STK39: variants seen among roughly 807,000 people sequenced by gnomAD.
STK39 encodes the protein STE20/SPS1-related proline-alanine-rich protein kinase.
STK39 carries 20 observed loss-of-function variants against 77.8 expected under a neutral mutation model. That is an observed-to-expected ratio of 0.26 (90% confidence interval 0.18 to 0.37). The LOEUF is 0.37. Among genes scored for constraint, STK39 ranks in the 10% least tolerant of loss-of-function variants. The pLI is 1.00. For missense variants in STK39, 479 were observed against 656.5 expected (o/e 0.73, Z 2.95); for synonymous variants, 246 against 234.1 (o/e 1.05, Z -0.47).
intron 16 of STK39, among the ~76,000 whole-genome samples, chr2:167,982,348 A>G (rs1574364709): frequency 6.6e-6 from 1 of 152,284 alleles, no homozygotes; most frequent in East Asian, 1.9e-4. Context: ...AATGTCTGTC[A>G]ATATTTTCCA....
At position 168,163,869 on chromosome 2, in the gene STK39, C is replaced by T; in HGVS notation, c.442G>A (p.Asp148Asn). The change falls in exon 4 of 18, where the codon GAT (aspartate) becomes AAT (asparagine). Residue 148 changes from aspartate (D) to asparagine (N), a missense_variant. Physicochemically the swap from Asp to Asn is conservative, Grantham distance 23. Coordinates refer to ENST00000355999, the MANE Select transcript of STK39 (RefSeq NM_013233.3). ...MKLLSGGSML[D>N]IIKYIVNRGE... ...CGGTTGACAATGTATTTTATGATAT[C>T]CAACATTGAACCTAAGTAGACAAAC... The T allele has an allele frequency of 6.2e-7, 1 of 1,613,750 alleles. No homozygotes were observed. The highest frequency in any genetic ancestry group is 8.5e-7 in the Non-Finnish European group (1 of 1,179,874).
chr2:168,147,657 T>A (rs1688175321), intron 5 of STK39, among the ~76,000 whole-genome samples: 1 of 151,356 alleles, frequency 6.6e-6, no homozygotes. Context: ...GAGTTTTGAT[T>A]TAGACATAAT....
chr2:168,083,222 A>G (rs1460999270), intron 10 of STK39, among the ~76,000 whole-genome samples: 1 of 138,190 alleles, frequency 7.2e-6, no homozygotes, highest in African/African-American at 2.7e-5. Context: ...GCCCTTCCAC[A>G]TTCTCCTTTT....
chr2:168,115,918 C>T (rs1687246785), intron 10 of STK39, among the ~76,000 whole-genome samples: 3 of 152,114 alleles, frequency 2.0e-5, no homozygotes, highest in Non-Finnish European at 2.9e-5. Context: ...ACTGGAACCC[C>T]GGTTAAAGAT....
chr2:168,151,484 C>A (rs1480455967), intron 5 of STK39, among the ~76,000 whole-genome samples: 1 of 152,108 alleles, frequency 6.6e-6, no homozygotes, highest in Non-Finnish European at 1.5e-5. Context: ...CTCCTGTAAT[C>A]CCAGCATTTT....
chr2:168,213,689 TAAAAAA>T (rs10706908), intron 1 of STK39, among the ~76,000 whole-genome samples: 2 of 124,218 alleles, frequency 1.6e-5, no homozygotes, highest in Non-Finnish European at 3.4e-5. Context: ...CAGCCATATT[TAAAAAA>T]AAAAAAAAAA....
chr2:168,098,931 G>A (rs929987422), intron 10 of STK39, among the ~76,000 whole-genome samples: 1 of 152,196 alleles, frequency 6.6e-6, no homozygotes, highest in African/African-American at 2.4e-5. Flanking sequence ...GTCATACCAG[G>A]CCATAGAGCA....
chr2:168,119,677 T>C (rs1353336956), intron 10 of STK39, among the ~76,000 whole-genome samples: 1 of 152,144 alleles, frequency 6.6e-6, no homozygotes, highest in African/African-American at 2.4e-5. Context: ...CTTTCCACAA[T>C]GGCACAGACT....
At chr2:168,209,153 C>A (rs1008318161) in intron 1 of STK39, among the ~76,000 whole-genome samples, 2 of 152,096 alleles carry the variant, frequency 1.3e-5, no homozygotes, top group Admixed American at 6.5e-5. Flanking sequence ...TTCCTTTGCA[C>A]CCCTAGGCCC....
intron 10 of STK39, among the ~76,000 whole-genome samples, chr2:168,075,737 C>T (rs1686062571): frequency 6.6e-6 from 1 of 151,926 alleles, no homozygotes; most frequent in African/African-American, 2.4e-5. Context: ...CCACCTCACT[C>T]TCTTGCAGAA....
At chr2:168,031,568 G>A (rs1684833962) in intron 14 of STK39, among the ~76,000 whole-genome samples, 1 of 152,150 alleles carries the variant, frequency 6.6e-6, no homozygotes, top group Non-Finnish European at 1.5e-5. Context: ...TCTTCAAAGA[G>A]GTAATTAAAG....
At chr2:168,197,175 GAGA>G (rs1019216078) in intron 1 of STK39, among the ~76,000 whole-genome samples, 25 of 152,296 alleles carry the variant, frequency 1.6e-4, no homozygotes, top group African/African-American at 5.1e-4. Context: ...AGACAAAGTA[GAGA>G]AGAAGAAAAG....
At chr2:168,144,916 G>C (rs1462788460) in intron 5 of STK39, among the ~76,000 whole-genome samples, 1 of 151,500 alleles carries the variant, frequency 6.6e-6, no homozygotes, top group Non-Finnish European at 1.5e-5. Flanking sequence ...AGGAGGTCGA[G>C]GACGCAGTAA....
chr2:168,182,651 T>C (rs1689108987), intron 1 of STK39, among the ~76,000 whole-genome samples: 1 of 152,210 alleles, frequency 6.6e-6, no homozygotes, highest in Non-Finnish European at 1.5e-5. Context: ...TTGACATTCA[T>C]ATAAATTTTC....
chr2:167,988,526 G>T (rs952830821), intron 16 of STK39, among the ~76,000 whole-genome samples: 1 of 152,028 alleles, frequency 6.6e-6, no homozygotes, highest in African/African-American at 2.4e-5. Flanking sequence ...GCTGGTCCCA[G>T]TTAAAGCTGT....
intron 17 of STK39, among the ~76,000 whole-genome samples, chr2:167,959,131 T>C (rs897504674): frequency 6.6e-6 from 1 of 151,860 alleles, no homozygotes; most frequent in Admixed American, 6.6e-5. Context: ...TATTTATTTA[T>C]ATTTTTTGAG....
At chr2:167,974,767 T>C (rs868221437) in intron 16 of STK39, among the ~76,000 whole-genome samples, 1 of 152,046 alleles carries the variant, frequency 6.6e-6, no homozygotes, top group African/African-American at 2.4e-5. Context: ...TTTTAGGAGG[T>C]TCACAAAAGG....
chr2:168,073,408 G>T lies in STK39; in HGVS notation c.1242+1574C>A, dbSNP rs747472953. 2.6e-5 allele frequency among the ~76,000 whole-genome samples: 4 copies of T among 152,124 alleles called. No individual in the cohort carries two copies. The East Asian group carries it at 7.7e-4, about 29-fold the overall frequency. ...CCATGTTATGTTGTTATATTTCTCA[G>T]CAGAACTGACACTTTTAGTAAGAAA... On this transcript the variant is annotated intron_variant, in intron 12 of 17. Coordinates refer to ENST00000355999, the MANE Select transcript of STK39 (RefSeq NM_013233.3).
chr2:168,116,702 G>A (rs1013431089), intron 10 of STK39, among the ~76,000 whole-genome samples: 9 of 152,050 alleles, frequency 5.9e-5, no homozygotes, highest in African/African-American at 2.2e-4. Flanking sequence ...CAGGGCAGAG[G>A]GGCAAACATT....
Sources: gnomAD v4.1 joint callset for allele counts (sites outside exome capture counted in the v4.1 genomes callset) on GRCh38, gnomAD v4.1.1 for gene constraint, MANE v1.5 for transcripts, NCBI Gene and HGNC (gene_info 2026-07-23, HGNC 2026-07-21) for gene names.